Variants in MTOR observed in about 807,000 individuals in gnomAD.
MTOR encodes the protein mechanistic target of rapamycin kinase.
Under a neutral mutation model 319.8 loss-of-function variants are expected in MTOR, and 70 were observed. The observed-to-expected ratio is 0.22, with a 90% CI of 0.18 to 0.27. MTOR has a LOEUF of 0.27. Among genes scored for constraint, MTOR ranks in the 10% least tolerant of loss-of-function variants. The pLI is 1.00. For missense variants in MTOR, 1,890 were observed against 3,274.4 expected, an observed-to-expected ratio of 0.58 and a Z score of 10.32; for synonymous variants, 1,183 against 1,211.4, an observed-to-expected ratio of 0.98 and a Z score of 0.49.
At chr1:11,216,041 A>G (rs1557433260) in intron 20 of MTOR, 107 bp downstream of exon 20, 5 of 730,928 alleles carry the variant, frequency 6.8e-6, no homozygotes, top group Non-Finnish European at 1.1e-5. Flanking sequence ...CTAAGACTGT[A>G]ACAGCTCTAC....
Position 11,257,181 on chromosome 1 carries a change from A to C in MTOR, c.272-16T>G. The C allele has an allele frequency of 6.2e-7, 1 of 1,603,390 alleles. No individual in the cohort carries two copies. The highest frequency in any genetic ancestry group is 1.1e-5 in the South Asian group (1 of 89,818). ...ATGAGGCTAGCTGCAAAAGAGAGGAAGGCAAAAGGTGATGATGGGGCGTAT... is the reference window on the plus strand; with the variant it reads ...ATGAGGCTAGCTGCAAAAGAGAGGACGGCAAAAGGTGATGATGGGGCGTAT... On this transcript the variant is annotated splice_polypyrimidine_tract_variant and intron_variant, in intron 3 of 57. Transcript: ENST00000361445.
At chr1:11,113,052 TACTC>T in intron 53 of MTOR, 135 bp from the exon 54 acceptor site, 1 of 878,910 alleles carries the variant, frequency 1.1e-6, no homozygotes, top group Non-Finnish European at 1.8e-6. Context: ...ACAGACATAT[TACTC>T]AGGAATAAGT....
chr1:11,220,264 A>G (rs952808491), intron 19 of MTOR, among the ~76,000 whole-genome samples: 2 of 152,146 alleles, frequency 1.3e-5, no homozygotes, highest in African/African-American at 4.8e-5. Flanking sequence ...AAAGCCACAG[A>G]AAAAATATGT....
At chr1:11,141,464 G>A (rs1286907064) in intron 34 of MTOR, among the ~76,000 whole-genome samples, 1 of 152,018 alleles carries the variant, frequency 6.6e-6, no homozygotes, top group Non-Finnish European at 1.5e-5. Flanking sequence ...TGCCTCCAAG[G>A]TTCAAGCGAT....
At chr1:11,151,141 C>T (rs143179848) in intron 30 of MTOR, among the ~76,000 whole-genome samples, 145 of 152,130 alleles carry the variant, frequency 9.5e-4, no homozygotes, top group African/African-American at 3.4e-3. Flanking sequence ...TGTAGGAGGG[C>T]GGGGATAAAG....
chr1:11,240,320 C>T lies in MTOR; in HGVS notation c.1769G>A (p.Gly590Asp). 1 of 1,567,870 alleles carries T rather than the reference C, an allele frequency of 6.4e-7. No individual in the cohort carries two copies. Among genetic ancestry groups the T allele is most frequent in the Non-Finnish European group, 8.6e-7 (1 of 1,156,878 alleles). Reference protein sequence around the residue: ...GSITLALRTLGSFEFEGHSLT... With the variant: ...GSITLALRTLDSFEFEGHSLT... ...TTTCTTACCTTCAAATTCAAAGCTG[C>T]CAAGCGTTCGGAGGGCAAGAGTGAT... Residue 590 changes from glycine (G) to aspartate (D), a missense_variant, in exon 11 of 58, where the codon GGC becomes GAC. Coordinates refer to ENST00000361445, the MANE Select transcript of MTOR (RefSeq NM_004958.4).
chr1:11,180,209 ATG>A (rs1333111188), intron 28 of MTOR, among the ~76,000 whole-genome samples: 3 of 152,126 alleles, frequency 2.0e-5, no homozygotes, highest in Non-Finnish European at 4.4e-5. Context: ...CCAGCCTGGA[ATG>A]TGTTTTGCTG....
intron 19 of MTOR, among the ~76,000 whole-genome samples, chr1:11,224,474 G>A (rs1569650524): frequency 6.6e-6 from 1 of 152,052 alleles, no homozygotes; most frequent in African/African-American, 2.4e-5. Flanking sequence ...CCAATGTAAA[G>A]GGAGATTTTT....
chr1:11,151,804 C>T (rs1447578515), intron 30 of MTOR, among the ~76,000 whole-genome samples: 1 of 152,190 alleles, frequency 6.6e-6, no homozygotes, highest in Non-Finnish European at 1.5e-5. Flanking sequence ...CTGGTGAACA[C>T]AAGCAACTTG....
At chr1:11,135,267 G>A (rs892624260) in intron 36 of MTOR, among the ~76,000 whole-genome samples, 1 of 152,002 alleles carries the variant, frequency 6.6e-6, no homozygotes, top group African/African-American at 2.4e-5. Flanking sequence ...ATCTTTTCTG[G>A]TTTTTCTAGA....
intron 47 of MTOR, among the ~76,000 whole-genome samples, chr1:11,124,029 C>T (rs1275736342): frequency 6.6e-6 from 1 of 152,194 alleles, no homozygotes; most frequent in African/African-American, 2.4e-5. Flanking sequence ...CTCAAGTGAT[C>T]CACCTGCCTG....
intron 31 of MTOR, 88 bp downstream of exon 31, chr1:11,150,038 A>T: frequency 8.6e-7 from 1 of 1,158,442 alleles, no homozygotes; most frequent in Non-Finnish European, 1.3e-6. Flanking sequence ...CTGGATCTCC[A>T]CCTAGAGCCA....
At chr1:11,244,265 C>T (rs1291927449) in intron 8 of MTOR, among the ~76,000 whole-genome samples, 1 of 134,644 alleles carries the variant, frequency 7.4e-6, no homozygotes, top group Non-Finnish European at 1.6e-5. Flanking sequence ...CCACTCCAGC[C>T]TGGGCAACAA....
chr1:11,145,070 C>G (rs2100511025), intron 32 of MTOR, 25 bp from the exon 33 acceptor site: 1 of 1,610,192 alleles, frequency 6.2e-7, no homozygotes, highest in Non-Finnish European at 8.5e-7. Context: ...ACCCTTGGGA[C>G]TGAGCTCTGG....
At chr1:11,154,554 G>A (rs1245740165) in intron 30 of MTOR, among the ~76,000 whole-genome samples, 1 of 151,632 alleles carries the variant, frequency 6.6e-6, no homozygotes, top group African/African-American at 2.4e-5. Context: ...AATGCCTAAG[G>A]CTAAGTTCAC....
In MTOR at chr1:11,228,735, T is replaced by C. The variant is rs2100854974; in HGVS notation, c.2963A>G (p.Gln988Arg). 6.2e-7 allele frequency: 1 copy of C among 1,614,126 alleles called. No homozygotes were observed. Among genetic ancestry groups the C allele is most frequent in the Non-Finnish European group, 8.5e-7 (1 of 1,180,026 alleles). Residue 988 changes from glutamine (Q) to arginine (R), a missense_variant, in exon 19 of 58, where the codon CAG becomes CGG. Physicochemically the swap from Gln to Arg is conservative, Grantham distance 43. Transcript: ENST00000361445. ...IFKSLGLKCV[Q>R]FLPQVMPTFL... Reference sequence around the variant, plus strand: ...CGTGGGCATGACCTGGGGCAGGAACTGCACACATTTGAGTCCCAGGGACTT... The same window carrying C: ...CGTGGGCATGACCTGGGGCAGGAACCGCACACATTTGAGTCCCAGGGACTT...
chr1:11,185,413 C>CA (rs35733842), intron 28 of MTOR, among the ~76,000 whole-genome samples: 1,538 of 105,396 alleles, frequency 0.015, 13 homozygotes, highest in Non-Finnish European at 0.019. Context: ...CCCATCACTA[C>CA]AAAAAAAAAA....
intron 36 of MTOR, among the ~76,000 whole-genome samples, chr1:11,138,411 C>A (rs1385141070): frequency 6.6e-6 from 1 of 152,232 alleles, no homozygotes. Context: ...TGCCTGGGTA[C>A]AGGCTGGCTG....
chr1:11,204,021 C>T (rs1646061627), intron 26 of MTOR, among the ~76,000 whole-genome samples: 1 of 152,192 alleles, frequency 6.6e-6, no homozygotes, highest in South Asian at 2.1e-4. Context: ...GGCCCCCAGC[C>T]AGAGCTGGGT....
Sources: gnomAD v4.1 joint callset for allele counts (sites outside exome capture counted in the v4.1 genomes callset) on GRCh38, gnomAD v4.1.1 for gene constraint, MANE v1.5 for transcripts, NCBI Gene and HGNC (gene_info 2026-07-23, HGNC 2026-07-21) for gene names.